HPSE2: variants seen among roughly 807,000 people sequenced by gnomAD.
HPSE2 encodes heparanase 2 (inactive), also known as inactive heparanase-2.
Under a neutral mutation model 60.5 loss-of-function variants are expected in HPSE2, and 38 were observed. The ratio of observed to expected loss-of-function variants is 0.63; its 90% CI spans 0.48 to 0.82. HPSE2 has a LOEUF of 0.82. Among genes scored for constraint, HPSE2 ranks in the 40% least tolerant of loss-of-function variants. The probability of loss-of-function intolerance (pLI) is 0.00; values close to 1 mark genes in which losing one functional copy is unlikely to be tolerated. For synonymous variants in HPSE2, 295 were observed against 293.2 expected (o/e 1.01, Z -0.06); for missense variants, 713 against 740.4 (o/e 0.96, Z 0.43).
chr10:99,079,505 C>T (rs1278738806), intron 3 of HPSE2, among the ~76,000 whole-genome samples: 2 of 152,048 alleles, frequency 1.3e-5, no homozygotes, highest in African/African-American at 4.8e-5. Flanking sequence ...AGGGAGAAGC[C>T]GGGATCTGGA....
intron 4 of HPSE2, among the ~76,000 whole-genome samples, chr10:98,741,070 G>GATTATTTATCATTAATAATCATTT (rs1949484547): frequency 2.6e-5 from 4 of 151,870 alleles, no homozygotes; most frequent in Admixed American, 2.6e-4. Context: ...TTTAATAAAT[G>GATTATTTATCATTAATAATCATTT]ATTATTTATC....
rs1157872369 is a variant in HPSE2 at position 99,157,910 on chromosome 10, AAAAC to A, written c.449-13515_449-13512del. On this transcript the variant is annotated intron_variant, in intron 2 of 11. Transcript: ENST00000370552. ...TGAACTCAAACAAATTTACAAGAAAAAAACAAACAACCCCATCAAAAAGTGGGCA... is the reference window on the plus strand; with the variant it reads ...TGAACTCAAACAAATTTACAAGAAAAAAACAACCCCATCAAAAAGTGGGCA... Among the ~76,000 whole-genome samples the A allele has an allele frequency of 5.4e-4, 57 of 105,478 alleles. 1 individual carries two copies. The highest frequency in any genetic ancestry group is 1.3e-3 in the African/African-American group (50 of 37,080). 69.2% of individuals were successfully genotyped at this position (105,478 alleles called of 152,430 possible).
chr10:98,562,954 T>C (rs1176367312), intron 9 of HPSE2, among the ~76,000 whole-genome samples: 1 of 152,090 alleles, frequency 6.6e-6, no homozygotes, highest in Non-Finnish European at 1.5e-5. Context: ...ACACAAATGG[T>C]TCCTGGGGCT....
intron 3 of HPSE2, among the ~76,000 whole-genome samples, chr10:99,041,717 C>G (rs1957743422): frequency 6.6e-6 from 1 of 152,190 alleles, no homozygotes; most frequent in Non-Finnish European, 1.5e-5. Flanking sequence ...TCACCAGGAA[C>G]AGCCAACTGG....
At chr10:98,728,823 C>T (rs1289901204) in intron 4 of HPSE2, among the ~76,000 whole-genome samples, 1 of 151,900 alleles carries the variant, frequency 6.6e-6, no homozygotes, top group East Asian at 1.9e-4. Flanking sequence ...TCCTAGGCAA[C>T]ACAGTGAAAC....
intron 3 of HPSE2, among the ~76,000 whole-genome samples, chr10:98,760,138 A>G (rs1949973078): frequency 6.6e-6 from 1 of 152,078 alleles, no homozygotes; most frequent in Non-Finnish European, 1.5e-5. Context: ...TATATCCTGC[A>G]ACCTGTACTG....
chr10:98,793,921 A>G lies in HPSE2; in HGVS notation c.611-49865T>C, dbSNP rs575099694. Among the ~76,000 whole-genome samples, 4 of 152,316 alleles carry G rather than the reference A, an allele frequency of 2.6e-5. No individual in the cohort carries two copies. In the South Asian group the frequency reaches 8.3e-4, roughly 32 times the overall value. ...AATAAAAGGAAGTGGCAGGTAGGAT[A>G]TGAGTTCTGAGAAATCCAAGAGGCA... On this transcript the variant is annotated intron_variant, in intron 3 of 11. Transcript: ENST00000370552.
At chr10:98,607,095 C>G (rs1211092517) in intron 9 of HPSE2, among the ~76,000 whole-genome samples, 2 of 144,568 alleles carry the variant, frequency 1.4e-5, no homozygotes, top group Non-Finnish European at 3.0e-5. Context: ...CCCTCCCTCC[C>G]TCTCTCCCTC....
intron 3 of HPSE2, among the ~76,000 whole-genome samples, chr10:99,136,562 C>G (rs1424966384): frequency 6.6e-6 from 1 of 152,162 alleles, no homozygotes; most frequent in Non-Finnish European, 1.5e-5. Flanking sequence ...CGGCTTCATC[C>G]CTGGGATGCA....
chr10:98,722,422 A>G (rs1288841188), intron 4 of HPSE2, among the ~76,000 whole-genome samples: 1 of 151,796 alleles, frequency 6.6e-6, no homozygotes, highest in African/African-American at 2.4e-5. Flanking sequence ...AGAAGAAACC[A>G]ATACTGTTGA....
Position 98,459,747 on chromosome 10 carries a change from G to A in HPSE2, c.1614-8C>T, listed in dbSNP as rs1940202123. 1.2e-6 allele frequency: 2 copies of A among 1,611,784 alleles called. No homozygotes were observed. The highest frequency in any genetic ancestry group is 1.7e-6 in the Non-Finnish European group (2 of 1,178,886). ...CCATTCAGTTGCACTGACCTACAGT[G>A]AGGAAAAACAGTATGGGACTCATTA... On this transcript the variant is annotated splice_region_variant and splice_polypyrimidine_tract_variant and intron_variant, in intron 11 of 11. Coordinates refer to ENST00000370552, the MANE Select transcript of HPSE2 (RefSeq NM_021828.5).
At chr10:99,263,507 C>T in the HPSE2 span, among the ~76,000 whole-genome samples, 9 of 152,268 alleles carry the variant, frequency 5.9e-5, no homozygotes, top group African/African-American at 1.4e-4. Context: ...GCTTTACTTC[C>T]GAAGGAAGCT....
chr10:98,726,542 G>A (rs189757218), intron 4 of HPSE2, among the ~76,000 whole-genome samples: 3 of 150,808 alleles, frequency 2.0e-5, no homozygotes, highest in Non-Finnish European at 3.0e-5. Context: ...GCTAAATGAC[G>A]AGTTAATGGG....
chr10:98,462,377 C>T (rs931677869), intron 11 of HPSE2, among the ~76,000 whole-genome samples: 3 of 152,124 alleles, frequency 2.0e-5, no homozygotes, highest in African/African-American at 7.2e-5. Flanking sequence ...CGGGGTTTCA[C>T]CATGTTGGCC....
chr10:98,608,028 T>A (rs531463512), intron 9 of HPSE2, among the ~76,000 whole-genome samples: 1 of 152,252 alleles, frequency 6.6e-6, no homozygotes, highest in Non-Finnish European at 1.5e-5. Context: ...TTGGCTCGTT[T>A]AATCTTTCCA....
upstream of HPSE2, among the ~76,000 whole-genome samples, chr10:99,240,067 T>C (rs1028111517): frequency 5.3e-5 from 8 of 151,920 alleles, no homozygotes; most frequent in African/African-American, 1.7e-4. Context: ...TGGGTGCCTG[T>C]AATCCCAACT....
At position 98,710,330 on chromosome 10, in the gene HPSE2, T is replaced by C. The variant is rs140380584; in HGVS notation, c.956+11327A>G. ...CCTCTCCTCTCCCCATCCCTATTTA[T>C]GTATATTAATAATATCACATTGGCA... is the stretch of plus-strand genomic sequence containing the variant. On this transcript the variant is annotated intron_variant, in intron 5 of 11. Coordinates refer to ENST00000370552, the MANE Select transcript of HPSE2 (RefSeq NM_021828.5). Among the ~76,000 whole-genome samples, 235 of 152,296 alleles carry C rather than the reference T, an allele frequency of 1.5e-3. 3 individuals carry two copies. In the East Asian group the frequency reaches 0.038, roughly 25 times the overall value.
At chr10:99,173,425 A>C (rs1847394995) in intron 2 of HPSE2, among the ~76,000 whole-genome samples, 1 of 152,194 alleles carries the variant, frequency 6.6e-6, no homozygotes, top group South Asian at 2.1e-4. Flanking sequence ...AATACTTCAA[A>C]GTTTTCCTTA....
intron 3 of HPSE2, among the ~76,000 whole-genome samples, chr10:98,811,494 ACT>A (rs766311039): frequency 1.3e-5 from 2 of 152,242 alleles, no homozygotes; most frequent in East Asian, 3.9e-4. Context: ...AGAGGATAGA[ACT>A]CTCAGTATGT....
Sources: gnomAD v4.1 joint callset for allele counts (sites outside exome capture counted in the v4.1 genomes callset) on GRCh38, gnomAD v4.1.1 for gene constraint, MANE v1.5 for transcripts, NCBI Gene and HGNC (gene_info 2026-07-23, HGNC 2026-07-21) for gene names.